Variants in IGF2BP2 observed in about 807,000 individuals in gnomAD.
IGF2BP2 encodes insulin-like growth factor 2 mRNA-binding protein 2.
IGF2BP2 carries 17 observed loss-of-function variants against 75.8 expected under a neutral mutation model. The ratio of observed to expected loss-of-function variants is 0.22; its 90% CI spans 0.15 to 0.34. The LOEUF (loss-of-function observed/expected upper bound fraction) is 0.34. Among genes scored for constraint, IGF2BP2 ranks in the 10% least tolerant of loss-of-function variants. The pLI is 1.00. For synonymous variants in IGF2BP2, 288 were observed against 295.6 expected, an observed-to-expected ratio of 0.97 and a Z score of 0.26; for missense variants, 516 against 772.4, an observed-to-expected ratio of 0.67 and a Z score of 3.93.
At chr3:185,651,634 T>C (rs1311020030) in intron 13 of IGF2BP2, among the ~76,000 whole-genome samples, 3 of 152,228 alleles carry the variant, frequency 2.0e-5, no homozygotes, top group African/African-American at 7.2e-5. Context: ...TTTCTCACTT[T>C]TAGAAAGCTC....
chr3:185,668,494 G>GATATAT (rs1560258280), intron 10 of IGF2BP2, among the ~76,000 whole-genome samples: 27 of 121,578 alleles, frequency 2.2e-4, no homozygotes, highest in African/African-American at 8.3e-4. Context: ...GTTCGAGAGA[G>GATATAT]AGAGAGAGAG....
At position 185,665,527 on chromosome 3, in the gene IGF2BP2, GAGGAGA is replaced by G. The variant is rs1717387308; in HGVS notation, c.1200+7008_1200+7013del. 2.3e-5 allele frequency among the ~76,000 whole-genome samples: 3 copies of G among 132,014 alleles called. No homozygotes were observed. In the South Asian group the frequency reaches 7.9e-4, roughly 35 times the overall value. The allele number at this position is 132,014 out of a possible 152,430, so 86.6% of individuals were successfully genotyped here. A position where few individuals can be genotyped will look rare whatever the true frequency, so the allele number is the denominator to read the frequency against. On this transcript the variant is annotated intron_variant, in intron 10 of 15. Coordinates refer to ENST00000382199, the MANE Select transcript of IGF2BP2 (RefSeq NM_006548.6). ...GAAGGAGGAGGAGGAGAAGGAGGAG[GAGGAGA>G]AGGAGGAGGAGGAGAAGGAGGAGGA... is the stretch of plus-strand genomic sequence containing the variant.
intron 2 of IGF2BP2, among the ~76,000 whole-genome samples, chr3:185,788,467 C>T (rs1736182034): frequency 2.0e-5 from 3 of 152,082 alleles, no homozygotes; most frequent in South Asian, 2.1e-4. Flanking sequence ...GCTATGATTG[C>T]GCCACTGCAC....
intron 15 of IGF2BP2, 112 bp downstream of exon 15, chr3:185,646,913 T>C (rs1713664858): frequency 5.2e-6 from 4 of 771,278 alleles, no homozygotes; most frequent in Non-Finnish European, 9.1e-6. Context: ...AGAGGTTCCA[T>C]CTTGGCGTGG....
At chr3:185,780,762 T>C (rs555799721) in intron 2 of IGF2BP2, among the ~76,000 whole-genome samples, 3 of 152,306 alleles carry the variant, frequency 2.0e-5, no homozygotes, top group Admixed American at 1.3e-4. Flanking sequence ...ATCATAATAA[T>C]ATATTTTTAA....
intron 13 of IGF2BP2, among the ~76,000 whole-genome samples, chr3:185,650,984 C>T (rs1035258326): frequency 2.0e-5 from 3 of 152,228 alleles, no homozygotes; most frequent in Admixed American, 6.5e-5. Flanking sequence ...TCACAGCTCA[C>T]TGCAGCCTTG....
intron 2 of IGF2BP2, among the ~76,000 whole-genome samples, chr3:185,771,328 C>T (rs1308070520): frequency 6.7e-6 from 1 of 148,246 alleles, no homozygotes; most frequent in Admixed American, 6.8e-5. Flanking sequence ...ATAATCCCAG[C>T]TACTTGGGTG....
In IGF2BP2 at chr3:185,718,229, GAC is replaced by G. The variant is rs565386894; in HGVS notation, c.240-19884_240-19883del. On this transcript the variant is annotated intron_variant, in intron 2 of 15. Transcript: ENST00000382199. Reference sequence around the variant, plus strand: ...TGCATTGGCAGCGCTGGGTAGTTGTGACACAAACCATATGGGCCACAGGGCCT... The same window carrying G: ...TGCATTGGCAGCGCTGGGTAGTTGTGACAAACCATATGGGCCACAGGGCCT... The G allele has an allele frequency of 1.1e-4, 16 of 152,332 alleles. No homozygotes were observed. The East Asian group carries it at 2.7e-3, about 26-fold the overall frequency. The allele number at this position is 152,332 out of a possible 1,614,324, so 9.4% of individuals were successfully genotyped here.
chr3:185,807,889 T>C (rs1421181078), intron 2 of IGF2BP2, among the ~76,000 whole-genome samples: 1 of 152,144 alleles, frequency 6.6e-6, no homozygotes, highest in Non-Finnish European at 1.5e-5. Context: ...AGATGGCAGC[T>C]TGACTGCCAT....
Position 185,802,560 on chromosome 3 carries a change from G to A in IGF2BP2, c.239+20593C>T, listed in dbSNP as rs74850326. 7.1e-3 allele frequency among the ~76,000 whole-genome samples: 1,079 copies of A among 152,260 alleles called. 53 individuals are homozygous for A. The East Asian group carries it at 0.14, about 19-fold the overall frequency. On this transcript the variant is annotated intron_variant, in intron 2 of 15. Coordinates refer to ENST00000382199, the MANE Select transcript of IGF2BP2 (RefSeq NM_006548.6). ...CTCTTCCAAGTTGAAATAATTTGTT[G>A]AATTCATTACTGGGTCTTGAGAACA...
At chr3:185,742,620 G>A (rs970090827) in intron 2 of IGF2BP2, among the ~76,000 whole-genome samples, 1 of 152,078 alleles carries the variant, frequency 6.6e-6, no homozygotes, top group African/African-American at 2.4e-5. Context: ...TCACCCCACT[G>A]CACTCCAGCC....
intron 2 of IGF2BP2, among the ~76,000 whole-genome samples, chr3:185,704,796 C>T (rs1040166176): frequency 1.3e-5 from 2 of 151,952 alleles, no homozygotes; most frequent in Admixed American, 1.3e-4. Context: ...AGACACCACA[C>T]GGGAGGATCA....
chr3:185,773,662 T>C (rs1297438893), intron 2 of IGF2BP2, among the ~76,000 whole-genome samples: 1 of 152,212 alleles, frequency 6.6e-6, no homozygotes, highest in Non-Finnish European at 1.5e-5. Flanking sequence ...CAGTTGCTCA[T>C]AGAAAAATGA....
intron 2 of IGF2BP2, among the ~76,000 whole-genome samples, chr3:185,731,039 A>AT (rs928246244): frequency 1.3e-5 from 2 of 152,168 alleles, no homozygotes; most frequent in Non-Finnish European, 2.9e-5. Flanking sequence ...TTAAAATGTA[A>AT]TTTTTTAAAA....
intron 2 of IGF2BP2, among the ~76,000 whole-genome samples, chr3:185,756,812 A>T (rs147981816): frequency 2.4e-4 from 36 of 152,250 alleles, no homozygotes; most frequent in Non-Finnish European, 4.4e-4. Context: ...ATCTCTACAA[A>T]ATTAAAACAA....
At chr3:185,705,784 T>A (rs551342335) in intron 2 of IGF2BP2, among the ~76,000 whole-genome samples, 1 of 152,218 alleles carries the variant, frequency 6.6e-6, no homozygotes, top group East Asian at 1.9e-4. Context: ...GGACTAGATA[T>A]CTCTCTGGGG....
intron 2 of IGF2BP2, among the ~76,000 whole-genome samples, chr3:185,779,374 A>G (rs1264267813): frequency 1.3e-5 from 2 of 152,170 alleles, no homozygotes; most frequent in Non-Finnish European, 2.9e-5. Flanking sequence ...ACCCAGTTTC[A>G]ATCACCATCA....
chr3:185,680,224 G>C (rs1318485815), intron 7 of IGF2BP2, among the ~76,000 whole-genome samples: 1 of 152,142 alleles, frequency 6.6e-6, no homozygotes, highest in Non-Finnish European at 1.5e-5. Context: ...CCAATTTCTA[G>C]AGGAAACACA....
chr3:185,707,802 T>C (rs1015181787), intron 2 of IGF2BP2, among the ~76,000 whole-genome samples: 1 of 152,212 alleles, frequency 6.6e-6, no homozygotes, highest in African/African-American at 2.4e-5. Context: ...TACAATTCCC[T>C]ACGATAATAC....
Sources: allele counts gnomAD v4.1 joint callset (sites outside exome capture counted in the v4.1 genomes callset), GRCh38; gene constraint gnomAD v4.1.1; transcripts MANE v1.5; gene names NCBI Gene and HGNC (gene_info 2026-07-23, HGNC 2026-07-21).